The following DLG2 variants were observed in gnomAD, a reference collection of about 807,000 sequenced individuals.
The protein encoded by DLG2 is disks large homolog 2.
DLG2 carries 45 observed loss-of-function variants against 132.5 expected under a neutral mutation model. The observed-to-expected ratio is 0.34, with a 90% confidence interval of 0.27 to 0.44. The LOEUF is 0.44. DLG2 is among the 20% of genes least tolerant of loss of function. The pLI is 1.00. For missense variants in DLG2, 1,045 were observed against 1,196.9 expected, an observed-to-expected ratio of 0.87 and a Z score of 1.87; for synonymous variants, 424 against 419.6, an observed-to-expected ratio of 1.01 and a Z score of -0.13.
chr11:85,218,958 A>C (rs1490905801), intron 4 of DLG2, among the ~76,000 whole-genome samples: 1 of 152,156 alleles, frequency 6.6e-6, no homozygotes, highest in Non-Finnish European at 1.5e-5. Flanking sequence ...GCAAATTAAC[A>C]CAACAAAACC....
chr11:83,915,272 T>A (rs1468454704), intron 15 of DLG2, among the ~76,000 whole-genome samples: 1 of 151,914 alleles, frequency 6.6e-6, no homozygotes, highest in Non-Finnish European at 1.5e-5. Flanking sequence ...AGTAAATGGG[T>A]TATAAGAAAG....
chr11:85,587,146 T>A (rs145173417), intron 3 of DLG2, among the ~76,000 whole-genome samples: 3 of 152,202 alleles, frequency 2.0e-5, no homozygotes, highest in African/African-American at 7.2e-5. Context: ...GAATGTTCCA[T>A]GTGCTGATGA....
At chr11:85,253,178 C>G (rs1914376) in intron 4 of DLG2, among the ~76,000 whole-genome samples, 133,245 of 152,206 alleles carry the variant, frequency 0.88, 58,612 homozygotes, top group Non-Finnish European at 0.92. Context: ...GGATCTGAGA[C>G]AAGTGATACC....
chr11:84,777,836 GT>G (rs1295729930), intron 6 of DLG2, among the ~76,000 whole-genome samples: 1 of 151,980 alleles, frequency 6.6e-6, no homozygotes, highest in Non-Finnish European at 1.5e-5. Flanking sequence ...TGAGTTCCTT[GT>G]AAATTCTGAA....
At chr11:83,621,220 CT>C (rs1432849133) in intron 19 of DLG2, among the ~76,000 whole-genome samples, 1 of 151,832 alleles carries the variant, frequency 6.6e-6, no homozygotes, top group African/African-American at 2.4e-5. Flanking sequence ...TTTTAGAATT[CT>C]TACTTGGTGC....
At chr11:84,646,053 T>C (rs1205878836) in intron 6 of DLG2, among the ~76,000 whole-genome samples, 1 of 152,036 alleles carries the variant, frequency 6.6e-6, no homozygotes, top group Non-Finnish European at 1.5e-5. Context: ...AAGCTTTGTT[T>C]TGGAATTTTC....
In DLG2 at chr11:84,582,104, A is replaced by G. The variant is rs1396551670; in HGVS notation, c.358-47373T>C. Among the ~76,000 whole-genome samples the G allele has an allele frequency of 3.3e-5, 5 of 151,978 alleles. No homozygotes were observed. In the East Asian group the frequency reaches 7.7e-4, roughly 23 times the overall value. On this transcript the variant is annotated intron_variant, in intron 6 of 27. Transcript: ENST00000376104. ...CAGATAAGAAAGAAAGGCTAGCAAGATAAAGTTAGGTGAGACGAACTATAG... is the reference window on the plus strand; with the variant it reads ...CAGATAAGAAAGAAAGGCTAGCAAGGTAAAGTTAGGTGAGACGAACTATAG...
chr11:84,943,847 T>G (rs994851708), intron 6 of DLG2, among the ~76,000 whole-genome samples: 3 of 152,238 alleles, frequency 2.0e-5, no homozygotes, highest in Admixed American at 6.5e-5. Flanking sequence ...TTTTGTACCT[T>G]CAGATGATTT....
At chr11:84,745,846 A>C (rs970425331) in intron 6 of DLG2, among the ~76,000 whole-genome samples, 3 of 152,252 alleles carry the variant, frequency 2.0e-5, no homozygotes, top group Non-Finnish European at 4.4e-5. Flanking sequence ...GAACATGATG[A>C]ACTGCATTTA....
intron 4 of DLG2, among the ~76,000 whole-genome samples, chr11:85,183,642 G>T (rs913079364): frequency 1.3e-5 from 2 of 151,854 alleles, no homozygotes; most frequent in African/African-American, 4.8e-5. Flanking sequence ...GAATATTATG[G>T]CTTGGTCCTG....
At chr11:83,641,283 TC>T (rs946605573) in intron 18 of DLG2, among the ~76,000 whole-genome samples, 4 of 152,276 alleles carry the variant, frequency 2.6e-5, no homozygotes, top group Non-Finnish European at 4.4e-5. Context: ...CTGCTCTCTT[TC>T]CACCGGACTC....
chr11:84,972,068 A>G (rs1592043887), intron 6 of DLG2, among the ~76,000 whole-genome samples: 1 of 152,186 alleles, frequency 6.6e-6, no homozygotes, highest in East Asian at 1.9e-4. Flanking sequence ...GGGGGAAAAC[A>G]TAAAATTTTA....
chr11:85,316,188 T>G (rs1036673332), intron 3 of DLG2, among the ~76,000 whole-genome samples: 1 of 152,038 alleles, frequency 6.6e-6, no homozygotes, highest in Non-Finnish European at 1.5e-5. Context: ...AAACTACTAC[T>G]ATTTAACAGA....
At chr11:84,917,448 T>C (rs1040452943) in intron 6 of DLG2, among the ~76,000 whole-genome samples, 5 of 152,344 alleles carry the variant, frequency 3.3e-5, no homozygotes, top group African/African-American at 1.2e-4. Context: ...AGGTTTCCAG[T>C]GGAACAGACT....
intron 6 of DLG2, among the ~76,000 whole-genome samples, chr11:84,827,632 G>A (rs11601386): frequency 0.099 from 12,667 of 128,316 alleles, 791 homozygotes; most frequent in Middle Eastern, 0.18. Context: ...GTTGATGGAA[G>A]CACTGGGAAC....
intron 6 of DLG2, among the ~76,000 whole-genome samples, chr11:85,065,536 G>C (rs2064775880): frequency 2.7e-5 from 4 of 149,440 alleles, no homozygotes; most frequent in Admixed American, 2.0e-4. Flanking sequence ...TACATATCCA[G>C]CTTTTTTTAA....
intron 3 of DLG2, among the ~76,000 whole-genome samples, chr11:85,535,657 G>A (rs2153197112): frequency 6.6e-6 from 1 of 152,236 alleles, no homozygotes; most frequent in Non-Finnish European, 1.5e-5. Context: ...AATGGAAACA[G>A]ATGTCCACAC....
chr11:84,467,488 G>C (rs1381391696), intron 7 of DLG2, among the ~76,000 whole-genome samples: 1 of 151,372 alleles, frequency 6.6e-6, no homozygotes. Flanking sequence ...GGTGAAGCGT[G>C]TAAAGGGATT....
At chr11:85,100,817 A>C (rs1210328632) in intron 6 of DLG2, among the ~76,000 whole-genome samples, 3 of 152,156 alleles carry the variant, frequency 2.0e-5, no homozygotes, top group Non-Finnish European at 2.9e-5. Context: ...CATGCCAGCT[A>C]CCTGGTCATC....
Sources: allele counts gnomAD v4.1 joint callset (sites outside exome capture counted in the v4.1 genomes callset), GRCh38; gene constraint gnomAD v4.1.1; transcripts MANE v1.5; gene names NCBI Gene and HGNC (gene_info 2026-07-23, HGNC 2026-07-21).